The following NBAS variants were observed in gnomAD, a reference collection of about 807,000 sequenced individuals.
NBAS encodes the protein NAG/BC035112 fusion.
A neutral mutation model predicts 302.5 loss-of-function variants in NBAS; 219 were observed. That is an observed-to-expected ratio of 0.72 (90% confidence interval 0.65 to 0.81). The LOEUF (loss-of-function observed/expected upper bound fraction) is 0.81. Among genes scored for constraint, NBAS ranks in the 30% least tolerant of loss-of-function variants. The pLI is 0.00. For missense variants in NBAS, 2,932 were observed against 2,841.6 expected, an observed-to-expected ratio of 1.03 and a Z score of -0.72; for synonymous variants, 1,118 against 1,021.6, an observed-to-expected ratio of 1.09 and a Z score of -1.80.
the NBAS span, among the ~76,000 whole-genome samples, chr2:15,159,627 G>C: frequency 6.6e-6 from 1 of 151,554 alleles, no homozygotes; most frequent in Non-Finnish European, 1.5e-5. Context: ...AGGAAAGAAT[G>C]GGGGAGATGT....
chr2:14,786,108 T>C, the NBAS span, among the ~76,000 whole-genome samples: 1 of 152,242 alleles, frequency 6.6e-6, no homozygotes, highest in African/African-American at 2.4e-5. Flanking sequence ...TTTATTTGAG[T>C]AGAGGTGTTT....
chr2:14,796,631 G>A, the NBAS span, among the ~76,000 whole-genome samples: 1 of 152,010 alleles, frequency 6.6e-6, no homozygotes, highest in African/African-American at 2.4e-5. Flanking sequence ...TGGGCAGATA[G>A]AGGCGGGTCC....
the NBAS span, among the ~76,000 whole-genome samples, chr2:14,869,817 G>A: frequency 6.6e-6 from 1 of 152,124 alleles, no homozygotes; most frequent in Non-Finnish European, 1.5e-5. Context: ...AATGTCCACT[G>A]TATTCTCCTC....
intron 25 of NBAS, among the ~76,000 whole-genome samples, chr2:15,407,349 A>G (rs1558311362): frequency 6.6e-6 from 1 of 152,176 alleles, no homozygotes; most frequent in Non-Finnish European, 1.5e-5. Flanking sequence ...TCTTGCTGGG[A>G]CAGGAGTCCA....
chr2:15,149,411 C>CA, the NBAS span, among the ~76,000 whole-genome samples: 2 of 152,228 alleles, frequency 1.3e-5, no homozygotes, highest in African/African-American at 2.4e-5. Context: ...CAGCACAAAA[C>CA]AGACTAAGAC....
At chr2:15,188,429 G>A (rs1005306637) in intron 49 of NBAS, among the ~76,000 whole-genome samples, 7 of 152,066 alleles carry the variant, frequency 4.6e-5, no homozygotes, top group Admixed American at 3.9e-4. Context: ...ATATTCAAAA[G>A]TACTTCTGAG....
At chr2:15,448,895 T>A (rs1204197510) in intron 21 of NBAS, among the ~76,000 whole-genome samples, 1 of 152,178 alleles carries the variant, frequency 6.6e-6, no homozygotes, top group Non-Finnish European at 1.5e-5. Context: ...TAATGAAATG[T>A]AGGACCAAAA....
chr2:15,457,774 G>A (rs1679316983), intron 21 of NBAS, among the ~76,000 whole-genome samples: 1 of 152,200 alleles, frequency 6.6e-6, no homozygotes, highest in Admixed American at 6.5e-5. Context: ...TGAATATCAA[G>A]TATTCAAAGA....
In NBAS at chr2:15,337,048, A is replaced by C. The variant is rs1672615702; in HGVS notation, c.4180-6283T>G. On this transcript the variant is annotated intron_variant, in intron 35 of 51. Transcript: ENST00000281513. Reference sequence around the variant, plus strand: ...TACTAGTTTGGGAGCCTGAGGCAGGAGGATCACTTCAGGCCAGGAGTTCGA... The same window carrying C: ...TACTAGTTTGGGAGCCTGAGGCAGGCGGATCACTTCAGGCCAGGAGTTCGA... Among the ~76,000 whole-genome samples the C allele has an allele frequency of 2.6e-5, 4 of 152,200 alleles. No homozygotes were observed. In the South Asian group the frequency reaches 8.3e-4, roughly 32 times the overall value.
chr2:15,338,576 G>C (rs1183236620), intron 35 of NBAS, among the ~76,000 whole-genome samples: 2 of 151,966 alleles, frequency 1.3e-5, no homozygotes, highest in East Asian at 3.9e-4. Flanking sequence ...CATGTTTAGG[G>C]ACCATGGACT....
chr2:15,423,880 A>G (rs1237571668), intron 23 of NBAS, among the ~76,000 whole-genome samples: 1 of 152,236 alleles, frequency 6.6e-6, no homozygotes, highest in Non-Finnish European at 1.5e-5. Flanking sequence ...CTAAGAACTG[A>G]GAGAAATTAG....
At chr2:15,182,163 T>C (rs1558415948) in intron 50 of NBAS, among the ~76,000 whole-genome samples, 2 of 152,216 alleles carry the variant, frequency 1.3e-5, no homozygotes. Flanking sequence ...CCAGAGCCTC[T>C]CAGGTTGTGC....
At chr2:15,200,653 A>G (rs1178918988) in intron 48 of NBAS, among the ~76,000 whole-genome samples, 1 of 152,208 alleles carries the variant, frequency 6.6e-6, no homozygotes, top group Non-Finnish European at 1.5e-5. Context: ...AAACATAAGA[A>G]TATTTTTTTC....
At chr2:15,501,584 A>ATAT (rs1661558871) in intron 11 of NBAS, among the ~76,000 whole-genome samples, 1 of 107,228 alleles carries the variant, frequency 9.3e-6, no homozygotes, top group Non-Finnish European at 1.8e-5. Flanking sequence ...TGAACTAAAT[A>ATAT]TTTTTTTTTT....
intron 40 of NBAS, among the ~76,000 whole-genome samples, chr2:15,305,560 G>T (rs994812575): frequency 5.4e-5 from 8 of 149,070 alleles, no homozygotes; most frequent in Non-Finnish European, 8.9e-5. Context: ...CAAGCGATTC[G>T]CCTGCCTCAG....
intron 40 of NBAS, among the ~76,000 whole-genome samples, chr2:15,299,979 T>A (rs1370894911): frequency 1.3e-5 from 2 of 152,116 alleles, no homozygotes; most frequent in African/African-American, 4.8e-5. Context: ...GAAGAGAAAA[T>A]TCTCTCAGAC....
the NBAS span, among the ~76,000 whole-genome samples, chr2:14,893,699 A>G: frequency 0.46 from 70,087 of 151,982 alleles, 16,709 homozygotes; most frequent in African/African-American, 0.55. Flanking sequence ...GTGGGAAATC[A>G]GAGAACAGGA....
the NBAS span, among the ~76,000 whole-genome samples, chr2:14,990,091 T>C: frequency 6.6e-6 from 1 of 151,996 alleles, no homozygotes; most frequent in Non-Finnish European, 1.5e-5. Context: ...GAATTTTAAA[T>C]GACCCCATTT....
At chr2:14,990,258 CAAA>C in the NBAS span, among the ~76,000 whole-genome samples, 86 of 59,890 alleles carry the variant, frequency 1.4e-3, no homozygotes, top group African/African-American at 3.7e-3. Context: ...ACTAAAACTC[CAAA>C]AAAAAAAAAA....
Sources: gnomAD v4.1 joint callset for allele counts (sites outside exome capture counted in the v4.1 genomes callset) on GRCh38, gnomAD v4.1.1 for gene constraint, MANE v1.5 for transcripts, NCBI Gene and HGNC (gene_info 2026-07-23, HGNC 2026-07-21) for gene names.